Variants in CHCHD3 observed in about 807,000 individuals in gnomAD.
CHCHD3 encodes coiled-coil-helix-coiled-coil-helix domain containing 3.
A neutral mutation model predicts 38.2 loss-of-function variants in CHCHD3; 20 were observed. That is an observed-to-expected ratio of 0.52 (90% CI 0.37 to 0.76). CHCHD3 has a LOEUF of 0.76. Among genes scored for constraint, CHCHD3 ranks in the 30% least tolerant of loss-of-function variants. CHCHD3 has a pLI of 0.00. For synonymous variants in CHCHD3, 82 were observed against 100.0 expected (o/e 0.82, Z 1.07); for missense variants, 245 against 279.2 (o/e 0.88, Z 0.87).
chr7:132,826,749 A>C (rs1432550130), intron 6 of CHCHD3, among the ~76,000 whole-genome samples: 1 of 152,224 alleles, frequency 6.6e-6, no homozygotes, highest in Non-Finnish European at 1.5e-5. Flanking sequence ...AGTATGAACA[A>C]ATTACTGCAT....
chr7:132,804,178 A>G (rs1433532495), intron 6 of CHCHD3, among the ~76,000 whole-genome samples: 2 of 152,102 alleles, frequency 1.3e-5, no homozygotes, highest in African/African-American at 4.8e-5. Context: ...GAGAAAACTG[A>G]AGGGAACATC....
At chr7:132,989,644 T>C (rs1190589973) in intron 3 of CHCHD3, among the ~76,000 whole-genome samples, 1 of 152,234 alleles carries the variant, frequency 6.6e-6, no homozygotes, top group East Asian at 1.9e-4. Flanking sequence ...AAAATACATT[T>C]ATATTTGAAA....
chr7:132,890,340 G>T (rs1809330210), intron 4 of CHCHD3, among the ~76,000 whole-genome samples: 1 of 152,134 alleles, frequency 6.6e-6, no homozygotes, highest in African/African-American at 2.4e-5. Context: ...AGAGAAAACT[G>T]GGATTATGAA....
At chr7:132,860,203 G>A (rs958292266) in intron 5 of CHCHD3, among the ~76,000 whole-genome samples, 17 of 152,024 alleles carry the variant, frequency 1.1e-4, no homozygotes, top group African/African-American at 4.1e-4. Flanking sequence ...AGCCCAGGAG[G>A]TTGTGGCGAG....
At chr7:133,016,041 G>C (rs1272410030) in intron 3 of CHCHD3, among the ~76,000 whole-genome samples, 1 of 152,128 alleles carries the variant, frequency 6.6e-6, no homozygotes, top group Non-Finnish European at 1.5e-5. Context: ...TAAACCATTA[G>C]AAACCACACC....
At chr7:132,919,097 A>ATTTTTTT (rs1585637830) in intron 4 of CHCHD3, among the ~76,000 whole-genome samples, 6 of 62,056 alleles carry the variant, frequency 9.7e-5, no homozygotes, top group African/African-American at 3.1e-4. Context: ...AGTTGGGTTT[A>ATTTTTTT]TTCTTTTTTT....
intron 4 of CHCHD3, among the ~76,000 whole-genome samples, chr7:132,917,739 G>A (rs1810145178): frequency 6.6e-6 from 1 of 150,924 alleles, no homozygotes; most frequent in African/African-American, 2.4e-5. Flanking sequence ...GGCGCCTGTA[G>A]TCCCAGTTAC....
chr7:132,955,089 T>C (rs556781683), intron 4 of CHCHD3, among the ~76,000 whole-genome samples: 1 of 151,606 alleles, frequency 6.6e-6, no homozygotes, highest in South Asian at 2.1e-4. Context: ...CCCAGGGAAG[T>C]CATAGGGTCC....
chr7:132,813,318 T>G (rs935275639), intron 6 of CHCHD3: 1 of 152,168 alleles, frequency 6.6e-6, no homozygotes, highest in African/African-American at 2.4e-5. Context: ...ATACTTAAGT[T>G]CTAGAATACA....
chr7:133,014,311 ATTGT>A (rs1812961526), intron 3 of CHCHD3, among the ~76,000 whole-genome samples: 1 of 146,684 alleles, frequency 6.8e-6, no homozygotes, highest in Admixed American at 6.9e-5. Context: ...TCACACTAAA[ATTGT>A]TTGGGGGATA....
intron 6 of CHCHD3, among the ~76,000 whole-genome samples, chr7:132,837,153 G>A (rs1445154287): frequency 1.3e-5 from 2 of 152,082 alleles, no homozygotes; most frequent in Non-Finnish European, 2.9e-5. Context: ...TAATGTATCC[G>A]AAATTTAGCT....
intron 3 of CHCHD3, among the ~76,000 whole-genome samples, chr7:132,999,151 C>T (rs1220950522): frequency 6.6e-6 from 1 of 152,108 alleles, no homozygotes; most frequent in Non-Finnish European, 1.5e-5. Context: ...GAATAAGGCC[C>T]AATTTCCAAT....
At chr7:132,794,208 C>T (rs908675394) in intron 7 of CHCHD3, among the ~76,000 whole-genome samples, 1 of 152,174 alleles carries the variant, frequency 6.6e-6, no homozygotes, top group Non-Finnish European at 1.5e-5. Context: ...CCCTTACTGC[C>T]TTATTTCTGC....
chr7:133,071,435 G>T lies in CHCHD3; in HGVS notation c.82-1206C>A, dbSNP rs143973228. ...AAGATTCTTAGTGAACTCTTCAATT[G>T]AAACAGTTTGAACTTGACCCTGAGG... On this transcript the variant is annotated intron_variant, in intron 1 of 7. Coordinates refer to ENST00000262570, the MANE Select transcript of CHCHD3 (RefSeq NM_017812.4). Among the ~76,000 whole-genome samples, 347 of 152,292 alleles carry T rather than the reference G, an allele frequency of 2.3e-3. 1 individual carries two copies. Among genetic ancestry groups the T allele is most frequent in the Non-Finnish European group, 3.1e-3 (209 of 68,018 alleles).
chr7:132,875,750 G>A (rs1437327337), intron 5 of CHCHD3, among the ~76,000 whole-genome samples: 1 of 152,164 alleles, frequency 6.6e-6, no homozygotes, highest in Non-Finnish European at 1.5e-5. Context: ...GAATGCCAAG[G>A]ACTCCCTCTA....
At chr7:133,034,863 C>T (rs1813615900) in intron 2 of CHCHD3, 3 of 1,610,032 alleles carry the variant, frequency 1.9e-6, no homozygotes, top group East Asian at 2.2e-5. Context: ...GGCATTCTTC[C>T]TCAGCTTGTC....
At chr7:132,793,715 G>C (rs1429149781) in intron 7 of CHCHD3, among the ~76,000 whole-genome samples, 1 of 152,224 alleles carries the variant, frequency 6.6e-6, no homozygotes, top group Non-Finnish European at 1.5e-5. Flanking sequence ...TTAGCCATTG[G>C]AATTATTCCA....
chr7:132,948,451 G>C (rs1359604338), intron 4 of CHCHD3, among the ~76,000 whole-genome samples: 1 of 152,114 alleles, frequency 6.6e-6, no homozygotes, highest in Non-Finnish European at 1.5e-5. Flanking sequence ...GGCAGCTATA[G>C]TAGAAAACGT....
At chr7:132,886,814 T>C (rs1809229548) in intron 4 of CHCHD3, among the ~76,000 whole-genome samples, 2 of 151,858 alleles carry the variant, frequency 1.3e-5, no homozygotes, top group Non-Finnish European at 2.9e-5. Context: ...TTAACAAGTA[T>C]ATATTTAGGC....
Sources: allele counts gnomAD v4.1 joint callset (sites outside exome capture counted in the v4.1 genomes callset), GRCh38; gene constraint gnomAD v4.1.1; transcripts MANE v1.5; gene names NCBI Gene and HGNC (gene_info 2026-07-23, HGNC 2026-07-21).